ELAVL4: variants seen among roughly 807,000 people sequenced by gnomAD.
ELAVL4 encodes ELAV-like protein 4.
Under a neutral mutation model 35.6 loss-of-function variants are expected in ELAVL4, and 1 was observed. The ratio of observed to expected loss-of-function variants is 0.03; its 90% CI spans 0.01 to 0.13. ELAVL4 has a LOEUF of 0.13. Among genes scored for constraint, ELAVL4 ranks in the 10% least tolerant of loss-of-function variants. The probability of loss-of-function intolerance (pLI) is 1.00; values close to 1 mark genes in which losing one functional copy is unlikely to be tolerated. For missense variants in ELAVL4, 267 were observed against 464.9 expected (o/e 0.57, Z 3.91); for synonymous variants, 156 against 171.0 (o/e 0.91, Z 0.69).
chr1:50,154,195 G>A (rs914885635), intron 2 of ELAVL4, among the ~76,000 whole-genome samples: 5 of 152,188 alleles, frequency 3.3e-5, no homozygotes, highest in African/African-American at 1.2e-4. Flanking sequence ...GTTAATAAGC[G>A]GTGGAGCTGA....
chr1:50,074,815 A>G (rs1033653818), intron 1 of ELAVL4, among the ~76,000 whole-genome samples: 1 of 152,146 alleles, frequency 6.6e-6, no homozygotes, highest in Non-Finnish European at 1.5e-5. Flanking sequence ...ATGCTCAGCT[A>G]TGTGATGGGT....
chr1:50,166,323 A>G (rs554095381), intron 2 of ELAVL4, among the ~76,000 whole-genome samples: 1 of 152,276 alleles, frequency 6.6e-6, no homozygotes, highest in South Asian at 2.1e-4. Context: ...TATCCTTCAA[A>G]CAACCAGAAA....
chr1:50,191,590 C>A (rs1014810918), intron 3 of ELAVL4, among the ~76,000 whole-genome samples: 1 of 152,092 alleles, frequency 6.6e-6, no homozygotes, highest in Non-Finnish European at 1.5e-5. Context: ...ACAAGACCTA[C>A]AACCTAAAGA....
At chr1:50,197,359 A>G (rs969322556) in intron 5 of ELAVL4, 70 bp from the exon 6 acceptor site, 3 of 1,452,600 alleles carry the variant, frequency 2.1e-6, no homozygotes, top group Non-Finnish European at 1.9e-6. Flanking sequence ...GAGCATTCTT[A>G]TTAATAGTTC....
At chr1:50,160,529 A>G (rs139373390) in intron 2 of ELAVL4, among the ~76,000 whole-genome samples, 1 of 152,268 alleles carries the variant, frequency 6.6e-6, no homozygotes, top group Non-Finnish European at 1.5e-5. Flanking sequence ...GCACTTTACT[A>G]TCAGCGAACT....
At chr1:50,102,426 T>TC (rs1666037798), upstream of ELAVL4, among the ~76,000 whole-genome samples, 1 of 151,478 alleles carries the variant, frequency 6.6e-6, no homozygotes. Flanking sequence ...CTTTCTCCCC[T>TC]CCCCTCCTCT....
chr1:50,132,508 T>C (rs1271358464), intron 1 of ELAVL4, among the ~76,000 whole-genome samples: 1 of 152,216 alleles, frequency 6.6e-6, no homozygotes, highest in African/African-American at 2.4e-5. Flanking sequence ...TCTTCTCTCC[T>C]TGCTGTCCTC....
chr1:50,117,180 T>A (rs1211423388), intron 1 of ELAVL4, among the ~76,000 whole-genome samples: 2 of 152,142 alleles, frequency 1.3e-5, no homozygotes, highest in African/African-American at 2.4e-5. Flanking sequence ...TATATTTTAA[T>A]CACCTCTCTA....
chr1:50,063,345 C>T lies in ELAVL4; in HGVS notation c.18+15163C>T, dbSNP rs551019009. On this transcript the variant is annotated intron_variant, in intron 1 of 6. Transcript: ENST00000448907. ...TTACAGTTTTGCCTTTCTTTTCTTC[C>T]GATGACTCTTCTCACCATATTTCCT... 2.9e-3 allele frequency among the ~76,000 whole-genome samples: 444 copies of T among 152,166 alleles called. 1 individual carries two copies. Among genetic ancestry groups the T allele is most frequent in the African/African-American group, 9.8e-3 (405 of 41,502 alleles).
intron 1 of ELAVL4, among the ~76,000 whole-genome samples, chr1:50,117,855 T>G (rs1668221506): frequency 6.6e-6 from 1 of 152,060 alleles, no homozygotes; most frequent in South Asian, 2.1e-4. Context: ...GCACACAGTG[T>G]TGTTGTTTTT....
rs576244802 is a variant in ELAVL4 at position 50,086,502 on chromosome 1, T to A, written c.18+38320T>A. Among the ~76,000 whole-genome samples, 108 of 144,938 alleles carry A rather than the reference T, an allele frequency of 7.5e-4. 2 individuals carry two copies. The highest frequency in any genetic ancestry group is 2.7e-3 in the Admixed American group (38 of 14,002). ...TATATATATATATATATATATATAC[T>A]CTCTCTGCTCTGCCTCCTGGAATAG... On this transcript the variant is annotated intron_variant, in intron 1 of 6. Coordinates refer to the ELAVL4 transcript ENST00000448907.
chr1:50,147,554 T>C (rs937369151), intron 2 of ELAVL4, among the ~76,000 whole-genome samples: 1 of 152,062 alleles, frequency 6.6e-6, no homozygotes, highest in African/African-American at 2.4e-5. Context: ...GGCCAACATT[T>C]GGGGTTAGGT....
chr1:50,190,136 G>A (rs148517019), intron 3 of ELAVL4, among the ~76,000 whole-genome samples: 1 of 152,200 alleles, frequency 6.6e-6, no homozygotes, highest in Non-Finnish European at 1.5e-5. Context: ...TGCTGGCCTA[G>A]AGATGCCAGT....
chr1:50,182,097 A>G (rs886098425), intron 3 of ELAVL4, among the ~76,000 whole-genome samples: 9 of 152,266 alleles, frequency 5.9e-5, no homozygotes, highest in South Asian at 2.1e-4. Context: ...TGCCTGTCCC[A>G]GGCCTGACCT....
At chr1:50,178,386 A>G (rs1453503418) in intron 3 of ELAVL4, among the ~76,000 whole-genome samples, 1 of 152,242 alleles carries the variant, frequency 6.6e-6, no homozygotes, top group South Asian at 2.1e-4. Flanking sequence ...CTGGTATAAG[A>G]TAATCTTAGC....
rs529837094 is a variant in ELAVL4, at chr1:50,156,863, T to C, written c.250+11666T>C. Among the ~76,000 whole-genome samples the C allele has an allele frequency of 1.4e-3, 212 of 152,354 alleles. 1 individual carries two copies. In the Middle Eastern group the frequency reaches 0.017, roughly 12 times the overall value. ...GAGTCATGAATGTGGCTGTACATTG[T>C]ATTCCAGTAAACCTCAGGAATAGCT... On this transcript the variant is annotated intron_variant, in intron 2 of 6. Transcript: ENST00000371824.
At chr1:50,167,693 T>C in intron 2 of ELAVL4, among the ~76,000 whole-genome samples, 1 of 152,186 alleles carries the variant, frequency 6.6e-6, no homozygotes, top group Non-Finnish European at 1.5e-5. Context: ...GGCCACTTTG[T>C]TCATGACAGG....
At chr1:50,125,649 A>C (rs1051580747) in intron 1 of ELAVL4, among the ~76,000 whole-genome samples, 1 of 152,042 alleles carries the variant, frequency 6.6e-6, no homozygotes, top group Admixed American at 6.6e-5. Context: ...AATGGGACAA[A>C]TGTTCCAGGA....
chr1:50,192,261 T>C (rs950342749), intron 3 of ELAVL4, among the ~76,000 whole-genome samples: 3 of 152,206 alleles, frequency 2.0e-5, no homozygotes, highest in East Asian at 3.9e-4. Flanking sequence ...GATTAGTCAC[T>C]CACATCATTT....
Sources: gnomAD v4.1 joint callset for allele counts (sites outside exome capture counted in the v4.1 genomes callset) on GRCh38, gnomAD v4.1.1 for gene constraint, MANE v1.5 for transcripts, NCBI Gene and HGNC (gene_info 2026-07-23, HGNC 2026-07-21) for gene names.